LDAH: variants seen among roughly 807,000 people sequenced by gnomAD.
The protein encoded by LDAH is lipid droplet-associated hydrolase.
LDAH carries 26 observed loss-of-function variants against 29.6 expected under a neutral mutation model. The observed-to-expected ratio is 0.88, with a 90% confidence interval of 0.64 to 1.22. The LOEUF is 1.22. LDAH is among the 50% of genes most tolerant of loss of function. The probability of loss-of-function intolerance (pLI) is 0.00; values close to 1 mark genes in which losing one functional copy is unlikely to be tolerated. For missense variants in LDAH, 344 were observed against 387.3 expected, an observed-to-expected ratio of 0.89 and a Z score of 0.94; for synonymous variants, 117 against 133.0, an observed-to-expected ratio of 0.88 and a Z score of 0.83.
intron 2 of LDAH, among the ~76,000 whole-genome samples, chr2:20,797,384 C>T (rs555780253): frequency 1.1e-4 from 16 of 152,244 alleles, no homozygotes; most frequent in Non-Finnish European, 1.9e-4. Context: ...TGGAAGATTC[C>T]TCCCCAGGAA....
At chr2:20,763,598 G>A (rs774694215) in intron 4 of LDAH, among the ~76,000 whole-genome samples, 1 of 152,182 alleles carries the variant, frequency 6.6e-6, no homozygotes, top group African/African-American at 2.4e-5. Context: ...GCCAAGAAGA[G>A]GTAGTGATAA....
At chr2:20,819,174 T>C (rs1261224318) in intron 1 of LDAH, among the ~76,000 whole-genome samples, 2 of 152,066 alleles carry the variant, frequency 1.3e-5, no homozygotes, top group Non-Finnish European at 2.9e-5. Context: ...GCACAACTCC[T>C]TTGCAACTGT....
At chr2:20,818,487 C>T (rs1673011031) in intron 1 of LDAH, among the ~76,000 whole-genome samples, 1 of 152,038 alleles carries the variant, frequency 6.6e-6, no homozygotes, top group Non-Finnish European at 1.5e-5. Flanking sequence ...TCTCATCTTT[C>T]TCCAGAATAA....
intron 6 of LDAH, among the ~76,000 whole-genome samples, chr2:20,690,318 G>A (rs766704972): frequency 6.6e-6 from 1 of 152,206 alleles, no homozygotes; most frequent in Non-Finnish European, 1.5e-5. Context: ...CAAGACAGCA[G>A]AACAGTGAGG....
chr2:20,752,015 C>G (rs1244552351), intron 4 of LDAH, among the ~76,000 whole-genome samples: 2 of 152,120 alleles, frequency 1.3e-5, no homozygotes, highest in East Asian at 3.8e-4. Context: ...TCTCAGCCTC[C>G]TAAGTAGCTG....
chr2:20,699,889 T>G (rs1663790295), intron 6 of LDAH, among the ~76,000 whole-genome samples: 1 of 152,206 alleles, frequency 6.6e-6, no homozygotes, highest in Admixed American at 6.5e-5. Context: ...GTTAGCACCT[T>G]TCTTTGACCT....
At chr2:20,713,847 T>A (rs1572456335) in intron 5 of LDAH, among the ~76,000 whole-genome samples, 1 of 152,172 alleles carries the variant, frequency 6.6e-6, no homozygotes, top group South Asian at 2.1e-4. Context: ...TAAATATATA[T>A]GCAACCAATA....
At chr2:20,815,385 G>A (rs1672779791) in intron 1 of LDAH, among the ~76,000 whole-genome samples, 1 of 151,774 alleles carries the variant, frequency 6.6e-6, no homozygotes, top group Non-Finnish European at 1.5e-5. Flanking sequence ...TATAATAGCT[G>A]AAAACTTCAC....
intron 1 of LDAH, among the ~76,000 whole-genome samples, chr2:20,807,220 A>G (rs894346031): frequency 3.9e-5 from 6 of 152,116 alleles, no homozygotes; most frequent in Non-Finnish European, 8.8e-5. Flanking sequence ...ATACAAAAAG[A>G]AAACAGACTA....
intron 1 of LDAH, among the ~76,000 whole-genome samples, chr2:20,805,969 AAGTGGAGTTATAAATAATACATCT>A (rs1286954683): frequency 6.6e-6 from 1 of 152,056 alleles, no homozygotes; most frequent in African/African-American, 2.4e-5. Flanking sequence ...AAATATTTGA[AAGTGGAGTTATAAATAATACATCT>A]TAATCAGCTT....
chr2:20,796,892 G>A (rs1040310103), intron 2 of LDAH, among the ~76,000 whole-genome samples: 1 of 152,162 alleles, frequency 6.6e-6, no homozygotes, highest in East Asian at 1.9e-4. Context: ...TCAGGAAGCA[G>A]GAGACTTCAC....
chr2:20,710,395 C>A (rs909625349), intron 5 of LDAH, among the ~76,000 whole-genome samples: 37 of 151,788 alleles, frequency 2.4e-4, no homozygotes, highest in Admixed American at 2.4e-3. Flanking sequence ...GAAACAGATA[C>A]CCTGAATAGT....
intron 4 of LDAH, among the ~76,000 whole-genome samples, chr2:20,772,320 C>G (rs930297060): frequency 6.6e-6 from 1 of 152,176 alleles, no homozygotes; most frequent in African/African-American, 2.4e-5. Context: ...ATGCAAGTAT[C>G]CTTTTTAATG....
chr2:20,732,847 T>C (rs538532956), intron 5 of LDAH, among the ~76,000 whole-genome samples: 20 of 152,164 alleles, frequency 1.3e-4, no homozygotes, highest in Middle Eastern at 3.4e-3. Context: ...TCTTCTTCCA[T>C]TGATTTTCTC....
intron 3 of LDAH, among the ~76,000 whole-genome samples, chr2:20,778,199 A>G (rs1669945970): frequency 6.6e-6 from 1 of 152,128 alleles, no homozygotes; most frequent in Non-Finnish European, 1.5e-5. Flanking sequence ...GATGCTGTTA[A>G]TCTGTAACCC....
At chr2:20,763,885 C>T (rs1471689) in intron 4 of LDAH, among the ~76,000 whole-genome samples, 13 of 152,138 alleles carry the variant, frequency 8.5e-5, no homozygotes, top group African/African-American at 3.1e-4. Flanking sequence ...ATTATAAACC[C>T]GTTTTCACTT....
chr2:20,758,885 C>T (rs527365309), intron 4 of LDAH, among the ~76,000 whole-genome samples: 10 of 152,248 alleles, frequency 6.6e-5, no homozygotes, highest in South Asian at 6.2e-4. Context: ...CAACTATGAA[C>T]GGAAGGAAAC....
At position 20,790,282 on chromosome 2, in the gene LDAH, C is replaced by T. The variant is rs1208175638; in HGVS notation, c.271G>A (p.Asp91Asn). The T allele has an allele frequency of 3.7e-6, 6 of 1,614,154 alleles. No individual in the cohort carries two copies. Among genetic ancestry groups the T allele is most frequent in the Non-Finnish European group, 5.1e-6 (6 of 1,180,008 alleles). ...SHAGHALAPKDKKILTTSEDS... is the reference protein window; with the variant it reads ...SHAGHALAPKNKKILTTSEDS... ...TCTGATGTTGTAAGAATCTTCTTGT[C>T]TTTGGGAGCCAACGCATGCCCAGCA... Residue 91 changes from aspartate (D) to asparagine (N), a missense_variant, in exon 3 of 7, where the codon GAC becomes AAC. Coordinates refer to ENST00000237822, the MANE Select transcript of LDAH (RefSeq NM_021925.4).
chr2:20,767,100 G>T (rs1179815606), intron 4 of LDAH, among the ~76,000 whole-genome samples: 1 of 152,196 alleles, frequency 6.6e-6, no homozygotes, highest in Admixed American at 6.5e-5. Context: ...GCCACTGGGG[G>T]AGCTCATGGA....
Sources: allele counts gnomAD v4.1 joint callset (sites outside exome capture counted in the v4.1 genomes callset), GRCh38; gene constraint gnomAD v4.1.1; transcripts MANE v1.5; gene names NCBI Gene and HGNC (gene_info 2026-07-23, HGNC 2026-07-21).